TEX2: variants seen among roughly 807,000 people sequenced by gnomAD.
TEX2 encodes the protein testis expressed 2.
A neutral mutation model predicts 106.9 loss-of-function variants in TEX2; 53 were observed. The observed-to-expected ratio is 0.50, with a 90% confidence interval of 0.40 to 0.62. The LOEUF is 0.62. Among genes scored for constraint, TEX2 ranks in the 20% least tolerant of loss-of-function variants. TEX2 has a pLI of 0.00. For missense variants in TEX2, 1,207 were observed against 1,379.0 expected (o/e 0.88, Z 1.98); for synonymous variants, 523 against 534.8 (o/e 0.98, Z 0.30).
chr17:64,259,376 T>C (rs1477524521), intron 1 of TEX2, among the ~76,000 whole-genome samples: 4 of 152,216 alleles, frequency 2.6e-5, no homozygotes, highest in African/African-American at 9.6e-5. Flanking sequence ...AAATCTTGTA[T>C]AACCTATGAG....
chr17:64,223,481 C>T (rs951649507), intron 1 of TEX2, among the ~76,000 whole-genome samples: 4 of 148,766 alleles, frequency 2.7e-5, no homozygotes, highest in Non-Finnish European at 4.4e-5. Context: ...GCAGATGGTT[C>T]GTTCCAGGCC....
chr17:64,221,896 G>A (rs768819906), intron 1 of TEX2, among the ~76,000 whole-genome samples: 27 of 152,172 alleles, frequency 1.8e-4, no homozygotes, highest in Non-Finnish European at 3.4e-4. Flanking sequence ...TTATGCTAAC[G>A]AAATAAGCTG....
chr17:64,234,718 A>G (rs980398279), intron 1 of TEX2, among the ~76,000 whole-genome samples: 2 of 152,236 alleles, frequency 1.3e-5, no homozygotes, highest in Non-Finnish European at 2.9e-5. Flanking sequence ...AGGCAGTGAC[A>G]GCACAGGAAC....
At position 64,148,902 on chromosome 17, in the gene TEX2, G is replaced by C; in HGVS notation, c.*67C>G. 2.5e-6 allele frequency: 4 copies of C among 1,601,382 alleles called. No homozygotes were observed. The highest frequency in any genetic ancestry group is 3.4e-6 in the Non-Finnish European group (4 of 1,172,526). ...GCACAGAGGCCAGTGCTACAGTACA[G>C]ATGGCGGCCAAGAACCCCACACATC... On this transcript the variant is annotated 3_prime_UTR_variant, in exon 12 of 12. Coordinates refer to ENST00000584379, the MANE Select transcript of TEX2 (RefSeq NM_001288732.2).
intron 1 of TEX2, among the ~76,000 whole-genome samples, chr17:64,229,865 A>T (rs577267175): frequency 2.6e-5 from 4 of 152,300 alleles, no homozygotes; most frequent in Non-Finnish European, 5.9e-5. Context: ...CTGGCCATTC[A>T]GCTTCTCAAT....
At chr17:64,203,482 A>G (rs11079532) in intron 2 of TEX2, among the ~76,000 whole-genome samples, 122,283 of 152,146 alleles carry the variant, frequency 0.8, 49,364 homozygotes, top group Middle Eastern at 0.89. Flanking sequence ...GTCTTTACCA[A>G]GCCTAAACCT....
chr17:64,232,297 C>A (rs1226063139), intron 1 of TEX2, among the ~76,000 whole-genome samples: 1 of 152,118 alleles, frequency 6.6e-6, no homozygotes, highest in Non-Finnish European at 1.5e-5. Context: ...TAAATGAGAG[C>A]TGTGGATAAG....
chr17:64,168,399 C>T (rs2031239449), intron 7 of TEX2, among the ~76,000 whole-genome samples: 2 of 152,190 alleles, frequency 1.3e-5, no homozygotes, highest in Non-Finnish European at 2.9e-5. Context: ...AGGCAAGTCT[C>T]TAAAAACGTA....
At chr17:64,211,289 T>C (rs1290608366) in intron 2 of TEX2, among the ~76,000 whole-genome samples, 1 of 152,132 alleles carries the variant, frequency 6.6e-6, no homozygotes, top group Non-Finnish European at 1.5e-5. Flanking sequence ...GCAAGACACC[T>C]TGGACAATGA....
At chr17:64,155,113 C>T in intron 8 of TEX2, 146 bp from the exon 9 acceptor site, 1 of 1,045,868 alleles carries the variant, frequency 9.6e-7, no homozygotes, top group South Asian at 2.3e-5. Flanking sequence ...CTCCAACCCA[C>T]CCAAACCAGA....
chr17:64,235,292 C>CCA lies in TEX2; in HGVS notation c.-25-21052_-25-21051dup, dbSNP rs548901012. 4.0e-4 allele frequency among the ~76,000 whole-genome samples: 61 copies of CCA among 152,362 alleles called. 1 individual carries two copies. Among genetic ancestry groups the CCA allele is most frequent in the African/African-American group, 1.4e-3 (59 of 41,596 alleles). On this transcript the variant is annotated intron_variant, in intron 1 of 11. Transcript: ENST00000584379. ...CAGAGCTAGGACTCAGGTTCCAAGG[C>CCA]CATCCTCTTAACCACTGTGTGGCAC...
chr17:64,193,730 T>C lies in TEX2; in HGVS notation c.2005A>G (p.Lys669Glu). ...CCCTCCTGAGGGCGGGGTGGCTTCTTAGGGTCCTCACTTCCCTCAGCTGGC... is the reference window on the plus strand; with the variant it reads ...CCCTCCTGAGGGCGGGGTGGCTTCTCAGGGTCCTCACTTCCCTCAGCTGGC... ...KPPAEGSEDP[K>E]KPPRPQEGTR... The change falls in exon 4 of 12, where the codon AAG becomes GAG. Residue 669 changes from lysine to glutamate, a missense_variant. Physicochemically the swap from Lys to Glu is moderately conservative, Grantham distance 56 (BLOSUM62 1). This residue lies in a region of TEX2 where 1,067 missense variants were observed against 1,193.6 expected (regional missense o/e 0.89). Transcript: ENST00000584379. The C allele has an allele frequency of 6.2e-7, 1 of 1,613,598 alleles. No homozygotes were observed.
Position 64,154,919 on chromosome 17 carries a change from G to A in TEX2, c.2853C>T (p.Ser951=). ...FCLADSDEES[S]SAGSSEEDDA... is the part of the protein sequence containing the mutation. Reference sequence around the variant, plus strand: ...CGTCTTCCTCGGAGGAGCCAGCGCTGGAGGATTCCTCATCGCTGTCCGCCA... The same window carrying A: ...CGTCTTCCTCGGAGGAGCCAGCGCTAGAGGATTCCTCATCGCTGTCCGCCA... Residue 951 remains serine (S), a synonymous_variant, in exon 9 of 12, where the codon TCC becomes TCT. Transcript: ENST00000584379. 6.2e-7 allele frequency: 1 copy of A among 1,609,004 alleles called. No homozygotes were observed. Among genetic ancestry groups the A allele is most frequent in the Admixed American group, 1.7e-5 (1 of 59,612 alleles).
At chr17:64,190,573 C>T (rs966700616) in intron 4 of TEX2, among the ~76,000 whole-genome samples, 1 of 152,148 alleles carries the variant, frequency 6.6e-6, no homozygotes, top group East Asian at 1.9e-4. Flanking sequence ...CTGAGTGGGA[C>T]AAAGCACAGG....
chr17:64,199,883 C>G (rs915351376), intron 2 of TEX2, among the ~76,000 whole-genome samples: 1 of 152,190 alleles, frequency 6.6e-6, no homozygotes, highest in Non-Finnish European at 1.5e-5. Flanking sequence ...ATAGAATGGG[C>G]AAAGCCTTCC....
intron 1 of TEX2, among the ~76,000 whole-genome samples, chr17:64,228,129 G>A (rs1555634124): frequency 6.6e-6 from 1 of 152,144 alleles, no homozygotes; most frequent in East Asian, 1.9e-4. Flanking sequence ...AAATGAGAGA[G>A]TTGAACCATA....
intron 7 of TEX2, among the ~76,000 whole-genome samples, chr17:64,165,883 A>C (rs2031108899): frequency 6.6e-6 from 1 of 152,254 alleles, no homozygotes; most frequent in African/African-American, 2.4e-5. Context: ...TGAGACATTC[A>C]GTCTAAATTT....
At chr17:64,183,198 G>C (rs2143825530) in intron 5 of TEX2, among the ~76,000 whole-genome samples, 1 of 152,284 alleles carries the variant, frequency 6.6e-6, no homozygotes, top group South Asian at 2.1e-4. Flanking sequence ...AAGCCACTGT[G>C]CCCCACCATT....
chr17:64,154,723 T>A, intron 9 of TEX2, 119 bp downstream of exon 9: 1 of 1,251,260 alleles, frequency 8.0e-7, no homozygotes, highest in East Asian at 2.8e-5. Flanking sequence ...AAAAAAACCA[T>A]CTACTCAACA....
Sources: allele counts gnomAD v4.1 joint callset (sites outside exome capture counted in the v4.1 genomes callset), GRCh38; gene constraint gnomAD v4.1.1; regional missense constraint gnomAD v4.1.1; transcripts MANE v1.5; gene names NCBI Gene and HGNC (gene_info 2026-07-23, HGNC 2026-07-21).